The following AUTS2 variants were observed in gnomAD, a reference collection of about 807,000 sequenced individuals.
AUTS2 encodes the protein activator of transcription and developmental regulator AUTS2.
AUTS2 carries 17 observed loss-of-function variants against 112.4 expected under a neutral mutation model. That is an observed-to-expected ratio of 0.15 (90% confidence interval 0.10 to 0.23). AUTS2 has a LOEUF of 0.23. Among genes scored for constraint, AUTS2 ranks in the 10% least tolerant of loss-of-function variants. The pLI is 1.00. For synonymous variants in AUTS2, 751 were observed against 702.7 expected (o/e 1.07, Z -1.09); for missense variants, 1,510 against 1,701.6 (o/e 0.89, Z 1.98).
intron 1 of AUTS2, among the ~76,000 whole-genome samples, chr7:69,823,214 T>A (rs941490501): frequency 6.6e-6 from 1 of 152,158 alleles, no homozygotes; most frequent in Admixed American, 6.5e-5. Flanking sequence ...AACTTAGGCG[T>A]GATGTGCTGC....
At chr7:69,970,871 C>T (rs530926156) in intron 2 of AUTS2, among the ~76,000 whole-genome samples, 41 of 152,226 alleles carry the variant, frequency 2.7e-4, no homozygotes, top group South Asian at 2.1e-3. Context: ...AATCCCTGCA[C>T]GTAATAGATA....
In AUTS2 at chr7:69,643,324, C is replaced by T. The variant is rs115746417; in HGVS notation, c.309+43362C>T. The T allele has an allele frequency of 4.5e-3, 697 of 153,726 alleles. 7 individuals carry two copies. The highest frequency in any genetic ancestry group is 0.016 in the African/African-American group (669 of 41,568). 9.5% of individuals were successfully genotyped at this position (153,726 alleles called of 1,614,324 possible). A position where few individuals can be genotyped will look rare whatever the true frequency, so the allele number is the denominator to read the frequency against. ...AAAAGCAAGTCACAGGTCCCTCCCA[C>T]GCTCAAGGTGAGATGATCACACAAG... On this transcript the variant is annotated intron_variant, in intron 1 of 18. Coordinates refer to ENST00000342771, the MANE Select transcript of AUTS2 (RefSeq NM_015570.4).
intron 1 of AUTS2, among the ~76,000 whole-genome samples, chr7:69,884,624 A>G (rs533246062): frequency 6.6e-6 from 1 of 152,342 alleles, no homozygotes; most frequent in African/African-American, 2.4e-5. Context: ...ACCAATAAGT[A>G]CCTAAACATC....
chr7:69,977,842 TC>T (rs1798123907), intron 2 of AUTS2, among the ~76,000 whole-genome samples: 1 of 152,176 alleles, frequency 6.6e-6, no homozygotes, highest in African/African-American at 2.4e-5. Context: ...AAATGAAAAC[TC>T]CTGGAGAACT....
chr7:70,271,894 T>A lies in AUTS2; in HGVS notation c.660+137323T>A, dbSNP rs555580312. ...CCATTTAAAATTAATGGAGTTAGAC[T>A]CCCCAGGTTCAATGTAATTTCATGT... On this transcript the variant is annotated intron_variant, in intron 4 of 18. Coordinates refer to ENST00000342771, the MANE Select transcript of AUTS2 (RefSeq NM_015570.4). 4.7e-4 allele frequency among the ~76,000 whole-genome samples: 72 copies of A among 152,276 alleles called. 1 individual carries two copies. In the Middle Eastern group the frequency reaches 0.014, roughly 29 times the overall value.
chr7:70,017,008 G>T (rs1204260677), intron 2 of AUTS2, among the ~76,000 whole-genome samples: 1 of 152,088 alleles, frequency 6.6e-6, no homozygotes, highest in African/African-American at 2.4e-5. Flanking sequence ...ATAGAGAATG[G>T]TATACAAGTA....
intron 2 of AUTS2, among the ~76,000 whole-genome samples, chr7:70,042,567 A>G (rs1389808426): frequency 6.6e-6 from 1 of 152,210 alleles, no homozygotes; most frequent in Non-Finnish European, 1.5e-5. Context: ...TAGTATGAAT[A>G]GAGGTTTAAA....
chr7:69,618,138 T>G (rs546719652), intron 1 of AUTS2, among the ~76,000 whole-genome samples: 4 of 152,304 alleles, frequency 2.6e-5, no homozygotes, highest in African/African-American at 9.6e-5. Flanking sequence ...GAGTTGGGAT[T>G]TGAATTTAGA....
intron 4 of AUTS2, among the ~76,000 whole-genome samples, chr7:70,241,784 A>G (rs1812627885): frequency 6.6e-6 from 1 of 152,192 alleles, no homozygotes; most frequent in African/African-American, 2.4e-5. Flanking sequence ...GAAAGCCATC[A>G]TTTTACAGGC....
chr7:69,680,419 TACAC>T, intron 1 of AUTS2, among the ~76,000 whole-genome samples: 1 of 152,354 alleles, frequency 6.6e-6, no homozygotes, highest in Non-Finnish European at 1.5e-5. Flanking sequence ...TGTGCTAGCA[TACAC>T]GCATTATCAT....
At chr7:70,129,885 A>AAT (rs57079488) in intron 3 of AUTS2, among the ~76,000 whole-genome samples, 11,065 of 146,876 alleles carry the variant, frequency 0.075, 496 homozygotes, top group African/African-American at 0.12. Flanking sequence ...TTCTCAATCA[A>AAT]ATATATATAT....
chr7:70,453,892 T>C (rs1395664367), intron 5 of AUTS2, among the ~76,000 whole-genome samples: 1 of 152,222 alleles, frequency 6.6e-6, no homozygotes, highest in African/African-American at 2.4e-5. Context: ...TTTGCGGGCC[T>C]TACAAAACAC....
intron 2 of AUTS2, among the ~76,000 whole-genome samples, chr7:70,094,334 A>T (rs1055615771): frequency 2.0e-5 from 3 of 152,244 alleles, no homozygotes; most frequent in Non-Finnish European, 4.4e-5. Context: ...TGGGACAGGT[A>T]TTCATGAACT....
chr7:69,718,370 G>T (rs181055889), intron 1 of AUTS2, among the ~76,000 whole-genome samples: 25 of 152,310 alleles, frequency 1.6e-4, no homozygotes, highest in Non-Finnish European at 2.9e-4. Context: ...TAAAATCGAG[G>T]TGTCAGGGGG....
At chr7:69,640,163 T>A (rs574931090) in intron 1 of AUTS2, among the ~76,000 whole-genome samples, 1 of 152,114 alleles carries the variant, frequency 6.6e-6, no homozygotes, top group African/African-American at 2.4e-5. Flanking sequence ...CTGTTTTGAT[T>A]GGTTTTCATG....
intron 3 of AUTS2, among the ~76,000 whole-genome samples, chr7:70,122,704 A>G (rs1805746552): frequency 6.6e-6 from 1 of 152,094 alleles, no homozygotes; most frequent in Admixed American, 6.5e-5. Context: ...CACTTTTTGC[A>G]ACATTACTGA....
At chr7:69,643,821 G>A (rs2129123087) in intron 1 of AUTS2, among the ~76,000 whole-genome samples, 1 of 152,274 alleles carries the variant, frequency 6.6e-6, no homozygotes, top group Non-Finnish European at 1.5e-5. Context: ...CAATGTGATG[G>A]TAGTCCCAGC....
At chr7:70,445,473 C>T (rs941718772) in intron 5 of AUTS2, among the ~76,000 whole-genome samples, 4 of 152,132 alleles carry the variant, frequency 2.6e-5, no homozygotes, top group East Asian at 3.9e-4. Context: ...TCAAACATGG[C>T]GGTTTCTCAA....
At chr7:69,847,677 A>G (rs550384130) in intron 1 of AUTS2, among the ~76,000 whole-genome samples, 7 of 152,356 alleles carry the variant, frequency 4.6e-5, no homozygotes, top group South Asian at 4.1e-4. Context: ...GACTAGAAGA[A>G]TCAAGCCTTT....
Sources: gnomAD v4.1 joint callset for allele counts (sites outside exome capture counted in the v4.1 genomes callset) on GRCh38, gnomAD v4.1.1 for gene constraint, MANE v1.5 for transcripts, NCBI Gene and HGNC (gene_info 2026-07-23, HGNC 2026-07-21) for gene names.